SIK2: variants seen among roughly 807,000 people sequenced by gnomAD.
SIK2 encodes the protein salt inducible kinase 2.
In SIK2, 29 loss-of-function variants were observed where a neutral mutation model predicts 103.2. That is an observed-to-expected ratio of 0.28 (90% CI 0.21 to 0.38). The LOEUF (loss-of-function observed/expected upper bound fraction) is 0.38. SIK2 is among the 10% of genes least tolerant of loss of function. SIK2 has a pLI of 1.00. For synonymous variants in SIK2, 412 were observed against 446.1 expected, an observed-to-expected ratio of 0.92 and a Z score of 0.96; for missense variants, 879 against 1,171.0, an observed-to-expected ratio of 0.75 and a Z score of 3.64.
rs575715144 is a variant in SIK2, at chr11:111,621,100, T to A, written c.316+698T>A. Among the ~76,000 whole-genome samples the A allele has an allele frequency of 1.5e-3, 224 of 152,342 alleles. 2 individuals carry two copies. The highest frequency in any genetic ancestry group is 5.2e-3 in the African/African-American group (218 of 41,598). ...AGCAGCTTTATTGAAGAATAATTCA[T>A]ATGTAGTAAATTACACGTATTTAAT... On this transcript the variant is annotated intron_variant, in intron 3 of 14. Coordinates refer to ENST00000304987, the MANE Select transcript of SIK2 (RefSeq NM_015191.3).
intron 3 of SIK2, among the ~76,000 whole-genome samples, chr11:111,623,929 G>A (rs1293749983): frequency 2.6e-5 from 4 of 152,198 alleles, no homozygotes; most frequent in Admixed American, 1.3e-4. Flanking sequence ...GTGCTGTGGC[G>A]TAGAGATTCT....
In SIK2 at chr11:111,602,811, C is replaced by G; in HGVS notation, c.135+113C>G. The G allele has an allele frequency of 1.5e-6, 2 of 1,365,354 alleles. No homozygotes were observed. Among genetic ancestry groups the G allele is most frequent in the South Asian group, 1.6e-5 (1 of 62,716 alleles). The allele number at this position is 1,365,354 out of a possible 1,614,324, so 84.6% of individuals were successfully genotyped here. A position where few individuals can be genotyped will look rare whatever the true frequency, so the allele number is the denominator to read the frequency against. ...CGGGGAGACCCGAGAGGCCGCCTCA[C>G]TGGCGGAGGCGAGCGGGCCTGGGAC... is the stretch of plus-strand genomic sequence containing the variant. On this transcript the variant is annotated intron_variant, in intron 1 of 14. Coordinates refer to ENST00000304987, the MANE Select transcript of SIK2 (RefSeq NM_015191.3). The surrounding 1 kb of genome is among the most constrained non-coding windows in gnomAD (Gnocchi z 4.5).
At chr11:111,604,942 G>C (rs927733968) in intron 1 of SIK2, among the ~76,000 whole-genome samples, 2 of 147,014 alleles carry the variant, frequency 1.4e-5, no homozygotes, top group African/African-American at 5.0e-5. Context: ...TCTCTAGGTT[G>C]TAAAGTTGCT....
chr11:111,717,039 G>A (rs948872791), intron 9 of SIK2, among the ~76,000 whole-genome samples: 2 of 152,190 alleles, frequency 1.3e-5, no homozygotes, highest in Non-Finnish European at 2.9e-5. Context: ...CAGCGGCCGG[G>A]TGTGGTGGCT....
Position 111,727,223 on chromosome 11 carries a change from A to C in SIK2, c.*3094A>C. The stretch of plus-strand genomic sequence containing the variant: ...GTTCTCTACACCATCCACCTTGAGA[A>C]TCCCTGCGTGGGAGAGCATCAGGGC... On this transcript the variant is annotated 3_prime_UTR_variant, in exon 15 of 15. Transcript: ENST00000304987. The C allele has an allele frequency of 1.6e-6, 1 of 637,326 alleles. No homozygotes were observed. The highest frequency in any genetic ancestry group is 2.8e-6 in the Non-Finnish European group (1 of 358,442). 39.5% of individuals were successfully genotyped at this position (637,326 alleles called of 1,614,324 possible). A position where few individuals can be genotyped will look rare whatever the true frequency, so the allele number is the denominator to read the frequency against.
Position 111,706,153 on chromosome 11 carries a change from CAATT to C in SIK2, c.1101+1017_1101+1020del, listed in dbSNP as rs550616044. ...TGGGGATAATAATAGAATGCTATGA[CAATT>C]AAATTAGTTAATATCTGTGAAATAG... On this transcript the variant is annotated intron_variant, in intron 8 of 14. Transcript: ENST00000304987. Among the ~76,000 whole-genome samples, 675 of 152,264 alleles carry C rather than the reference CAATT, an allele frequency of 4.4e-3. 3 individuals carry two copies. Among genetic ancestry groups the C allele is most frequent in the Non-Finnish European group, 7.1e-3 (484 of 68,036 alleles).
chr11:111,653,308 G>A (rs181918734), intron 3 of SIK2, among the ~76,000 whole-genome samples: 32 of 152,274 alleles, frequency 2.1e-4, no homozygotes, highest in Admixed American at 4.6e-4. Context: ...CTTCAGACTC[G>A]AATTTGATTG....
intron 1 of SIK2, among the ~76,000 whole-genome samples, chr11:111,603,788 T>C (rs1031564415): frequency 3.9e-5 from 6 of 152,222 alleles, no homozygotes; most frequent in African/African-American, 1.4e-4. Flanking sequence ...CCTGTTTGTT[T>C]GCCCTCCAGT....
intron 3 of SIK2, among the ~76,000 whole-genome samples, chr11:111,635,427 G>A (rs537310923): frequency 2.5e-5 from 3 of 120,172 alleles, no homozygotes; most frequent in Non-Finnish European, 5.1e-5. Flanking sequence ...GAGGGAGGGG[G>A]GAGGAAGGAA....
At chr11:111,624,003 CT>C (rs1380848655) in intron 3 of SIK2, among the ~76,000 whole-genome samples, 1 of 152,222 alleles carries the variant, frequency 6.6e-6, no homozygotes, top group African/African-American at 2.4e-5. Context: ...TCAGGGTTCA[CT>C]TTCCTTTGCC....
rs768625830 is a variant in SIK2 at position 111,721,961 on chromosome 11, G to A, written c.2055+21G>A. Reference sequence around the variant, plus strand: ...TCCAGGTGGGTCCTTCTCCTTGCGAGTCCACCTCACTCTGCTCATCCAGAA... The same window carrying A: ...TCCAGGTGGGTCCTTCTCCTTGCGAATCCACCTCACTCTGCTCATCCAGAA... On this transcript the variant is annotated intron_variant, in intron 13 of 14. Transcript: ENST00000304987. 11 of 1,530,406 alleles carry A rather than the reference G, an allele frequency of 7.2e-6. No homozygotes were observed. The East Asian group carries it at 2.3e-4, about 32-fold the overall frequency. The allele number at this position is 1,530,406 out of a possible 1,614,324, so 94.8% of individuals were successfully genotyped here. A position where few individuals can be genotyped will look rare whatever the true frequency, so the allele number is the denominator to read the frequency against.
intron 1 of SIK2, among the ~76,000 whole-genome samples, chr11:111,615,288 TAAAA>T (rs372263613): frequency 3.0e-5 from 4 of 134,364 alleles, no homozygotes; most frequent in Admixed American, 1.5e-4. Context: ...CCATCTGCAT[TAAAA>T]AAAAAAAAAA....
chr11:111,665,401 C>G (rs548652154), intron 3 of SIK2, among the ~76,000 whole-genome samples: 2 of 151,732 alleles, frequency 1.3e-5, no homozygotes, highest in Non-Finnish European at 1.5e-5. Context: ...AAAGTAGAGA[C>G]AGCGAAACCC....
chr11:111,661,770 G>A (rs566377924), intron 3 of SIK2, among the ~76,000 whole-genome samples: 1 of 152,348 alleles, frequency 6.6e-6, no homozygotes, highest in South Asian at 2.1e-4. Context: ...CAGCAGGCAA[G>A]AGTGCATGTG....
At chr11:111,716,254 T>C (rs904431565) in intron 9 of SIK2, among the ~76,000 whole-genome samples, 3 of 152,202 alleles carry the variant, frequency 2.0e-5, no homozygotes, top group Non-Finnish European at 4.4e-5. Flanking sequence ...AATAACTTTT[T>C]TTATGACAAA....
At chr11:111,710,124 G>T (rs1004166310) in intron 8 of SIK2, among the ~76,000 whole-genome samples, 4 of 152,214 alleles carry the variant, frequency 2.6e-5, no homozygotes, top group Admixed American at 6.5e-5. Context: ...ATGGGGGTAA[G>T]AAGAATGTAG....
intron 3 of SIK2, chr11:111,671,190 C>T: frequency 3.9e-6 from 1 of 258,304 alleles, no homozygotes; most frequent in Non-Finnish European, 7.6e-6. Flanking sequence ...TATTCTGCAT[C>T]CCAGACTCCA....
chr11:111,602,821 C>G lies in SIK2; in HGVS notation c.135+123C>G. On this transcript the variant is annotated intron_variant, in intron 1 of 14. Coordinates refer to ENST00000304987, the MANE Select transcript of SIK2 (RefSeq NM_015191.3). The surrounding 1 kb of genome is among the most constrained non-coding windows in gnomAD (Gnocchi z 4.5). ...CGAGAGGCCGCCTCACTGGCGGAGG[C>G]GAGCGGGCCTGGGACTGTGAGGACC... The G allele has an allele frequency of 7.4e-7, 1 of 1,351,278 alleles. No homozygotes were observed. The highest frequency in any genetic ancestry group is 9.6e-7 in the Non-Finnish European group (1 of 1,045,180). The allele number at this position is 1,351,278 out of a possible 1,614,324, so 83.7% of individuals were successfully genotyped here. A position where few individuals can be genotyped will look rare whatever the true frequency, so the allele number is the denominator to read the frequency against.
intron 3 of SIK2, among the ~76,000 whole-genome samples, chr11:111,687,442 G>T (rs1942860359): frequency 6.7e-6 from 1 of 150,192 alleles, no homozygotes; most frequent in Non-Finnish European, 1.5e-5. Context: ...TTGAACCTGG[G>T]AGGTGGAGGT....
Sources: allele counts gnomAD v4.1 joint callset (sites outside exome capture counted in the v4.1 genomes callset), GRCh38; gene constraint gnomAD v4.1.1; non-coding constraint Gnocchi (gnomAD v3.1); transcripts MANE v1.5; gene names NCBI Gene and HGNC (gene_info 2026-07-23, HGNC 2026-07-21).